PKP4: variants seen among roughly 807,000 people sequenced by gnomAD.
PKP4 encodes plakophilin-4.
Under a neutral mutation model 145.1 loss-of-function variants are expected in PKP4, and 90 were observed. That is an observed-to-expected ratio of 0.62 (90% CI 0.52 to 0.74). The LOEUF (loss-of-function observed/expected upper bound fraction) is 0.74, where lower values mean the gene tolerates loss of function less well. Ranked by LOEUF, PKP4 falls within the 30% of genes least tolerant of loss-of-function variation. The pLI is 0.00. For missense variants in PKP4, 1,340 were observed against 1,482.7 expected, an observed-to-expected ratio of 0.90 and a Z score of 1.58; for synonymous variants, 563 against 577.2, an observed-to-expected ratio of 0.98 and a Z score of 0.35.
At chr2:158,639,551 A>G (rs1341560166) in intron 9 of PKP4, among the ~76,000 whole-genome samples, 2 of 152,166 alleles carry the variant, frequency 1.3e-5, no homozygotes, top group African/African-American at 4.8e-5. Flanking sequence ...ATAAACAACT[A>G]ACTTTATCCT....
intron 1 of PKP4, among the ~76,000 whole-genome samples, chr2:158,489,494 T>C (rs1181849801): frequency 1.3e-5 from 2 of 152,226 alleles, no homozygotes; most frequent in Non-Finnish European, 2.9e-5. Context: ...TGAAATCATC[T>C]TCTGTACCTA....
At chr2:158,622,321 C>T (rs563292561) in intron 6 of PKP4, among the ~76,000 whole-genome samples, 174 of 152,062 alleles carry the variant, frequency 1.1e-3, no homozygotes, top group African/African-American at 4.0e-3. Context: ...ATATATATTG[C>T]ATGTATATTT....
intron 3 of PKP4, among the ~76,000 whole-genome samples, chr2:158,597,526 C>T (rs11886778): frequency 0.027 from 4,160 of 152,058 alleles, 153 homozygotes; most frequent in East Asian, 0.13. Context: ...GGTACATTCA[C>T]GATAAAAAGG....
chr2:158,548,706 C>T, intron 2 of PKP4: 1 of 234,922 alleles, frequency 4.3e-6, no homozygotes, highest in Non-Finnish European at 8.1e-6. Context: ...CAAGCAGCTA[C>T]TCAGCTGCTT....
intron 3 of PKP4, 134 bp from the exon 4 acceptor site, chr2:158,602,936 A>T: frequency 2.0e-6 from 1 of 490,398 alleles, no homozygotes; most frequent in South Asian, 3.1e-5. Context: ...AGATAAGTTT[A>T]AATTTTATTT....
chr2:158,551,049 TAC>T (rs1293197067), intron 2 of PKP4, among the ~76,000 whole-genome samples: 1 of 152,248 alleles, frequency 6.6e-6, no homozygotes, highest in African/African-American at 2.4e-5. Context: ...ATTTTACAAA[TAC>T]AGTTACTTAG....
rs2052180265 is a variant in PKP4, at chr2:158,621,060, G to A, written c.351G>A (p.Arg117=). The A allele has an allele frequency of 1.9e-6, 3 of 1,613,974 alleles. No individual in the cohort carries two copies. The highest frequency in any genetic ancestry group is 2.7e-5 in the African/African-American group (2 of 74,916). Residue 117 remains arginine, a synonymous_variant, in exon 5 of 22, where the codon AGG becomes AGA. Coordinates refer to ENST00000389759, the MANE Select transcript of PKP4 (RefSeq NM_003628.6). ...TCCAGCCCAACAACTATCTCATCAG[G>A]ACAGAGCCAGAACAAGGAACCCTCT... ...DAVQPNNYLI[R]TEPEQGTLYS...
At chr2:158,670,331 G>T (rs1201507933) in intron 17 of PKP4, among the ~76,000 whole-genome samples, 1 of 152,172 alleles carries the variant, frequency 6.6e-6, no homozygotes, top group Non-Finnish European at 1.5e-5. Flanking sequence ...GTGCCTTTCA[G>T]CTGTCCTTGC....
At chr2:158,512,729 A>C (rs1268400927) in intron 1 of PKP4, among the ~76,000 whole-genome samples, 1 of 152,236 alleles carries the variant, frequency 6.6e-6, no homozygotes, top group Non-Finnish European at 1.5e-5. Flanking sequence ...AACAACCACC[A>C]GTACTGACAA....
At chr2:158,597,434 C>T (rs1558862156) in intron 3 of PKP4, among the ~76,000 whole-genome samples, 1 of 152,174 alleles carries the variant, frequency 6.6e-6, no homozygotes, top group Non-Finnish European at 1.5e-5. Flanking sequence ...CTCAAGAAGG[C>T]TGCAGTCTGC....
At chr2:158,498,593 T>C (rs545096003) in intron 1 of PKP4, among the ~76,000 whole-genome samples, 2 of 152,342 alleles carry the variant, frequency 1.3e-5, no homozygotes, top group African/African-American at 4.8e-5. Flanking sequence ...GGGAATCTCA[T>C]GCACTCTGCT....
chr2:158,612,587 A>G (rs866171915), intron 4 of PKP4, among the ~76,000 whole-genome samples: 13 of 151,954 alleles, frequency 8.6e-5, no homozygotes, highest in Non-Finnish European at 5.9e-5. Context: ...TTATGCTCCT[A>G]CTGATAGCAC....
At chr2:158,540,213 C>T (rs959391242) in intron 2 of PKP4, among the ~76,000 whole-genome samples, 5 of 152,118 alleles carry the variant, frequency 3.3e-5, no homozygotes, top group African/African-American at 9.7e-5. Flanking sequence ...TTGATTTCAT[C>T]GGAAGCATCA....
At chr2:158,496,222 C>T (rs1695691293) in intron 1 of PKP4, among the ~76,000 whole-genome samples, 1 of 152,088 alleles carries the variant, frequency 6.6e-6, no homozygotes, top group Non-Finnish European at 1.5e-5. Flanking sequence ...TTCAAGTGAT[C>T]CACCTGCTCC....
intron 2 of PKP4, among the ~76,000 whole-genome samples, chr2:158,551,420 C>T (rs910228671): frequency 2.6e-5 from 4 of 152,212 alleles, no homozygotes; most frequent in Non-Finnish European, 4.4e-5. Flanking sequence ...TTGACAGAAA[C>T]TTAGCTGCCT....
At chr2:158,655,428 G>A (rs1574996421) in intron 11 of PKP4, among the ~76,000 whole-genome samples, 1 of 152,070 alleles carries the variant, frequency 6.6e-6, no homozygotes, top group African/African-American at 2.4e-5. Flanking sequence ...AGGTTTTTCT[G>A]ACTGCAATCA....
chr2:158,513,029 C>T (rs929393968), intron 1 of PKP4, among the ~76,000 whole-genome samples: 65 of 152,280 alleles, frequency 4.3e-4, no homozygotes, highest in African/African-American at 1.5e-3. Flanking sequence ...TGTAATCTCA[C>T]TTGTTTTTAC....
chr2:158,518,426 CCCT>C lies in PKP4; in HGVS notation c.-5-14747_-5-14745del, dbSNP rs367819415. 4.8e-3 allele frequency among the ~76,000 whole-genome samples: 733 copies of C among 152,296 alleles called. 1 individual carries two copies. The highest frequency in any genetic ancestry group is 0.016 in the African/African-American group (669 of 41,558). ...TTCCAGGGGTGGGGCAGTAGATGCT[CCCT>C]CCTCCTGCAATTTTGAGAGCAGCAA... On this transcript the variant is annotated intron_variant, in intron 1 of 21. Coordinates refer to ENST00000389759, the MANE Select transcript of PKP4 (RefSeq NM_003628.6).
chr2:158,562,264 T>C (rs1445310479), intron 2 of PKP4, among the ~76,000 whole-genome samples: 2 of 152,226 alleles, frequency 1.3e-5, no homozygotes, highest in East Asian at 1.9e-4. Flanking sequence ...TGGCAGTCCA[T>C]TGACAGATGA....
Sources: allele counts gnomAD v4.1 joint callset (sites outside exome capture counted in the v4.1 genomes callset), GRCh38; gene constraint gnomAD v4.1.1; transcripts MANE v1.5; gene names NCBI Gene and HGNC (gene_info 2026-07-23, HGNC 2026-07-21).